The following NBPF8 variants were observed in gnomAD, a reference collection of about 807,000 sequenced individuals.
NBPF8 encodes the protein NBPF family member NBPF8.
At chr1:120,465,107 C>T (rs1424795889) in intron 23 of NBPF8, among the ~76,000 whole-genome samples, 156 bp from the exon 22 acceptor site, 1 of 38,908 alleles carries the variant, frequency 2.6e-5, no homozygotes, top group Non-Finnish European at 5.0e-5. Flanking sequence ...GAATTTCTAT[C>T]ATGACCAGCC....
chr1:120,425,569 C>T (rs1660700605), intron 1 of NBPF8, among the ~76,000 whole-genome samples: 1 of 152,174 alleles, frequency 6.6e-6, no homozygotes, highest in Admixed American at 6.5e-5. Flanking sequence ...ACTCAGAGGC[C>T]AGTGCCAGCA....
exon 19 of NBPF8, chr1:120,461,259 G>T: frequency 1.6e-6 from 1 of 637,818 alleles, no homozygotes; most frequent in South Asian, 1.5e-5. Flanking sequence ...TCCAGGCTCA[G>T]CAGGGAGCTG....
chr1:120,452,354 T>A, intron 13 of NBPF8, 23 bp downstream of exon 11: 1 of 1,243,734 alleles, frequency 8.0e-7, no homozygotes, highest in Non-Finnish European at 1.2e-6. Context: ...TAGGCCCTGA[T>A]GACCCAAAAT....
intron 17 of NBPF8, among the ~76,000 whole-genome samples, chr1:120,460,322 C>T (rs1661544465): frequency 6.6e-6 from 1 of 152,162 alleles, no homozygotes; most frequent in Non-Finnish European, 1.5e-5. Context: ...CATTTGTGTA[C>T]ATAAACCTAG....
exon 12 of NBPF8, chr1:120,451,198 A>G (rs2101676284): frequency 6.3e-7 from 1 of 1,591,728 alleles, no homozygotes; most frequent in South Asian, 1.1e-5. Context: ...GAGTGCAAAG[A>G]TCTCATAAAA....
intron 3 of NBPF8, among the ~76,000 whole-genome samples, chr1:120,428,310 T>C (rs1423673876): frequency 2.0e-5 from 3 of 152,310 alleles, no homozygotes; most frequent in Admixed American, 6.5e-5. Flanking sequence ...GTTTTTCAAC[T>C]GGACGCCTTA....
At chr1:120,416,660 C>A (rs1399663601), upstream of NBPF8, among the ~76,000 whole-genome samples, 3 of 120,722 alleles carry the variant, frequency 2.5e-5, no homozygotes, top group African/African-American at 6.3e-5. Context: ...ACCAAGTGAA[C>A]CACCACAGAT....
intron 8 of NBPF8, chr1:120,446,171 G>A: frequency 4.0e-6 from 6 of 1,514,200 alleles, no homozygotes; most frequent in South Asian, 2.3e-5. Context: ...GCCATGACAT[G>A]ACCAGGACTT....
chr1:120,425,599 A>T (rs1389569414), intron 1 of NBPF8, among the ~76,000 whole-genome samples: 10 of 152,128 alleles, frequency 6.6e-5, no homozygotes, highest in Non-Finnish European at 1.3e-4. Flanking sequence ...CGTATGCTGA[A>T]CGCCGGTCCC....
exon 25 of NBPF8, chr1:120,466,009 C>T (rs1360001762): frequency 2.4e-5 from 38 of 1,611,728 alleles, no homozygotes; most frequent in Non-Finnish European, 3.1e-5. Context: ...AGTGGAAGAG[C>T]CTGAAGTCTT....
At chr1:120,431,244 C>G (rs1245787418) in intron 3 of NBPF8, among the ~76,000 whole-genome samples, 2 of 105,848 alleles carry the variant, frequency 1.9e-5, no homozygotes, top group East Asian at 6.7e-4. Flanking sequence ...CACACATACA[C>G]ACACAAACGT....
At chr1:120,452,748 C>A (rs1419891244) in intron 13 of NBPF8, among the ~76,000 whole-genome samples, 45 of 152,308 alleles carry the variant, frequency 3.0e-4, no homozygotes, top group African/African-American at 4.6e-4. Flanking sequence ...CCGTGGCAGA[C>A]AAATTGTCTC....
At chr1:120,435,982 T>C (rs1245539137), upstream of NBPF8, among the ~76,000 whole-genome samples, 6 of 152,088 alleles carry the variant, frequency 3.9e-5, no homozygotes, top group Non-Finnish European at 7.4e-5. Flanking sequence ...TCTGCCTTGA[T>C]GATGTTGTAC....
chr1:120,452,574 T>C (rs1374282302), intron 13 of NBPF8, among the ~76,000 whole-genome samples: 1 of 152,176 alleles, frequency 6.6e-6, no homozygotes, highest in African/African-American at 2.4e-5. Context: ...AGAGGCAGCA[T>C]CTGTCTAGTT....
chr1:120,455,177 G>A (rs1360159244), intron 15 of NBPF8, among the ~76,000 whole-genome samples: 44 of 151,780 alleles, frequency 2.9e-4, no homozygotes, highest in African/African-American at 1.1e-3. Context: ...CTCAAGCAGG[G>A]AATATGGCAT....
chr1:120,464,183 C>G (rs1465243750), intron 22 of NBPF8, among the ~76,000 whole-genome samples, 193 bp from the exon 21 acceptor site: 136 of 102,762 alleles, frequency 1.3e-3, no homozygotes, highest in Non-Finnish European at 1.6e-3. Context: ...GTGTGTCTGT[C>G]TGTCTTTCTC....
Position 120,465,940 on chromosome 1 carries a change from T to A in NBPF8, n.3569-38T>A. 4 of 1,611,836 alleles carry A rather than the reference T, an allele frequency of 2.5e-6. No homozygotes were observed. The South Asian group carries it at 4.4e-5, about 18-fold the overall frequency. On this transcript the variant is annotated intron_variant and non_coding_transcript_variant, in intron 24 of 24. Coordinates refer to ENST00000583271, the Ensembl canonical transcript of NBPF8. ...TAGTGGGGCTCTGTGGTGTCTGATTTTCCCTGGCTGCTTCTTTAGTTTTGT... is the reference window on the plus strand; with the variant it reads ...TAGTGGGGCTCTGTGGTGTCTGATTATCCCTGGCTGCTTCTTTAGTTTTGT...
At chr1:120,463,107 A>T in intron 21 of NBPF8, 141 bp downstream of exon 19, 2 of 700,682 alleles carry the variant, frequency 2.9e-6, no homozygotes, top group Admixed American at 4.0e-5. Context: ...GGTTGTAATG[A>T]GACTGTAGTC....
downstream of NBPF8, among the ~76,000 whole-genome samples, chr1:120,468,726 C>G (rs1357271261): frequency 6.7e-6 from 1 of 149,692 alleles, no homozygotes; most frequent in Non-Finnish European, 1.5e-5. Flanking sequence ...CCCCAGTAGC[C>G]AGTGCTCTAA....
Sources: gnomAD v4.1 joint callset for allele counts (sites outside exome capture counted in the v4.1 genomes callset) on GRCh38, gnomAD v4.1.1 for gene constraint, MANE v1.5 for transcripts, NCBI Gene and HGNC (gene_info 2026-07-23, HGNC 2026-07-21) for gene names.